Variants in FGF13 observed in about 807,000 individuals in gnomAD.
FGF13 encodes the protein fibroblast growth factor 13.
In FGF13, 2 loss-of-function variants were observed where a neutral mutation model predicts 19.5. The ratio of observed to expected loss-of-function variants is 0.10; its 90% CI spans 0.04 to 0.32. The LOEUF is 0.32. Ranked by LOEUF, FGF13 falls within the 10% of genes least tolerant of loss-of-function variation. The pLI, the probability that FGF13 is intolerant of heterozygous loss-of-function variation, is 1.00. For missense variants in FGF13, 113 were observed against 192.7 expected, an observed-to-expected ratio of 0.59 and a Z score of 2.45; for synonymous variants, 72 against 76.9, an observed-to-expected ratio of 0.94 and a Z score of 0.33.
In FGF13 at chrX:138,758,216, C is replaced by T. The variant is rs369515162; in HGVS notation, c.218-49288G>A. The stretch of plus-strand genomic sequence containing the variant: ...TCAGGGAACCTAGTCCTCTCCTCCT[C>T]CCTCAATGTACATACCGGGGGAATG... On this transcript the variant is annotated intron_variant, in intron 3 of 6. Transcript: ENST00000436198. Among the ~76,000 whole-genome samples the T allele has an allele frequency of 4.5e-5, 5 of 111,394 alleles. No individual in the cohort carries two copies. In the South Asian group the frequency reaches 1.2e-3, roughly 26 times the overall value.
At chrX:138,669,083 T>C (rs747008713) in intron 3 of FGF13, among the ~76,000 whole-genome samples, 47 of 110,558 alleles carry the variant, frequency 4.3e-4, no homozygotes, top group African/African-American at 1.5e-3. Flanking sequence ...AAAGAGACAG[T>C]CTGAAAGAGA....
chrX:138,974,693 G>A (rs1190026593), intron 1 of FGF13, among the ~76,000 whole-genome samples: 2 of 112,509 alleles, frequency 1.8e-5, no homozygotes, highest in African/African-American at 3.2e-5. Flanking sequence ...GGCACAATAC[G>A]TGTTTTGTAA....
chrX:138,867,782 AATCTATCTATCTATCTATCTATCTATCT>A (rs11461039), intron 1 of FGF13, among the ~76,000 whole-genome samples: 71 of 94,482 alleles, frequency 7.5e-4, no homozygotes, highest in African/African-American at 2.5e-3. Flanking sequence ...ACTGTCTCTA[AATCTATCTATCTATCTATCTATCTATCT>A]ATCTATCTAT....
chrX:139,013,479 TTATATATATATATATA>T (rs202184653), intron 1 of FGF13, among the ~76,000 whole-genome samples: 808 of 71,041 alleles, frequency 0.011, 21 homozygotes, highest in African/African-American at 0.03. Flanking sequence ...AAAGAAAATT[TTATATATATATATATA>T]TATATATATA....
intron 1 of FGF13, among the ~76,000 whole-genome samples, chrX:138,951,860 C>G (rs1174535834): frequency 9.0e-6 from 1 of 111,213 alleles, no homozygotes; most frequent in East Asian, 2.8e-4. Context: ...TCCATTATCA[C>G]CCAGGAAATC....
intron 1 of FGF13, among the ~76,000 whole-genome samples, chrX:139,145,405 T>C (rs987718406): frequency 2.7e-5 from 3 of 111,889 alleles, no homozygotes; most frequent in Non-Finnish European, 5.6e-5. Context: ...TCAAAACTTA[T>C]AAAATTGTAT....
intron 1 of FGF13, among the ~76,000 whole-genome samples, chrX:139,156,260 A>C (rs1476348377): frequency 1.8e-5 from 2 of 111,851 alleles, no homozygotes; most frequent in African/African-American, 6.5e-5. Context: ...TCACATGCAG[A>C]CAACTGAACT....
At chrX:138,821,987 C>A (rs1487395393) in intron 3 of FGF13, among the ~76,000 whole-genome samples, 1 of 111,623 alleles carries the variant, frequency 9.0e-6, no homozygotes, top group African/African-American at 3.3e-5. Context: ...ATGAGAGGTA[C>A]AAAATATCTG....
At chrX:138,814,702 G>C (rs374386328) in intron 3 of FGF13, among the ~76,000 whole-genome samples, 3 of 111,277 alleles carry the variant, frequency 2.7e-5, no homozygotes, top group African/African-American at 9.8e-5. Context: ...AACAAGTGTT[G>C]GGGAGGATGT....
At chrX:139,170,088 G>A (rs1307928083) in intron 1 of FGF13, among the ~76,000 whole-genome samples, 1 of 111,407 alleles carries the variant, frequency 9.0e-6, no homozygotes, top group East Asian at 2.8e-4. Flanking sequence ...TGGAGTTTGC[G>A]TAAGATTTCC....
At chrX:138,960,109 C>T (rs747383892) in intron 1 of FGF13, among the ~76,000 whole-genome samples, 1 of 112,016 alleles carries the variant, frequency 8.9e-6, no homozygotes, top group East Asian at 2.8e-4. Context: ...GCAGTTTCTT[C>T]CTAGCTTCAA....
At chrX:138,698,215 AT>A (rs1222585656) in intron 3 of FGF13, among the ~76,000 whole-genome samples, 2 of 110,913 alleles carry the variant, frequency 1.8e-5, no homozygotes, top group East Asian at 5.6e-4. Flanking sequence ...TGGAAAGTAA[AT>A]TGCTATCTCT....
intron 3 of FGF13, among the ~76,000 whole-genome samples, chrX:138,823,289 C>T (rs1394912796): frequency 2.7e-5 from 3 of 111,154 alleles, no homozygotes; most frequent in Non-Finnish European, 5.7e-5. Flanking sequence ...AGCCCGCCTG[C>T]GCACTAGGAG....
intron 1 of FGF13, among the ~76,000 whole-genome samples, chrX:138,988,644 A>G (rs1438127470): frequency 8.9e-6 from 1 of 112,515 alleles, no homozygotes; most frequent in African/African-American, 3.2e-5. Flanking sequence ...TGCATCACAC[A>G]GAAAGCCCAA....
chrX:139,030,029 C>T (rs977530391), intron 1 of FGF13, among the ~76,000 whole-genome samples: 5 of 111,707 alleles, frequency 4.5e-5, no homozygotes, highest in African/African-American at 1.6e-4. Context: ...AAGCATGCGC[C>T]AATAAAACTT....
At chrX:139,038,843 C>G (rs1433573217) in intron 1 of FGF13, among the ~76,000 whole-genome samples, 2 of 111,952 alleles carry the variant, frequency 1.8e-5, no homozygotes, top group Non-Finnish European at 3.8e-5. Context: ...ATTATTCTCC[C>G]AGGGCTGGAT....
At chrX:138,736,235 T>C in intron 1 of FGF13, among the ~76,000 whole-genome samples, 1 of 112,009 alleles carries the variant, frequency 8.9e-6, no homozygotes, top group East Asian at 2.8e-4. Flanking sequence ...ATGTCTTCAC[T>C]TGTAATAGTT....
chrX:138,674,791 T>C (rs2089648813), intron 3 of FGF13, among the ~76,000 whole-genome samples: 1 of 110,794 alleles, frequency 9.0e-6, no homozygotes, highest in Admixed American at 9.6e-5. Flanking sequence ...TGAGATAGGG[T>C]GGACAAGATC....
intron 1 of FGF13, among the ~76,000 whole-genome samples, chrX:139,167,121 G>A (rs1223635176): frequency 2.7e-5 from 3 of 111,817 alleles, no homozygotes; most frequent in African/African-American, 9.8e-5. Context: ...CCTCCCTTGA[G>A]CAATTATTTT....
Sources: allele counts gnomAD v4.1 joint callset (sites outside exome capture counted in the v4.1 genomes callset), GRCh38; gene constraint gnomAD v4.1.1; transcripts MANE v1.5; gene names NCBI Gene and HGNC (gene_info 2026-07-23, HGNC 2026-07-21).